Variants in TMEM218 observed in about 807,000 individuals in gnomAD.
The protein encoded by TMEM218 is transmembrane protein 218.
TMEM218 carries 8 observed loss-of-function variants against 10.0 expected under a neutral mutation model. The ratio of observed to expected loss-of-function variants is 0.80; its 90% CI spans 0.47 to 1.44. TMEM218 has a LOEUF of 1.44. Among genes scored for constraint, TMEM218 ranks in the 40% most tolerant of loss-of-function variants. TMEM218 has a pLI of 0.00. For missense variants in TMEM218, 110 were observed against 140.1 expected, an observed-to-expected ratio of 0.79 and a Z score of 1.08; for synonymous variants, 66 against 63.5, an observed-to-expected ratio of 1.04 and a Z score of -0.18.
chr11:125,106,045 A>G (rs1200535863), intron 1 of TMEM218, among the ~76,000 whole-genome samples: 1 of 152,172 alleles, frequency 6.6e-6, no homozygotes, highest in Non-Finnish European at 1.5e-5. Context: ...CAAAGCAAAT[A>G]TTAACAAGAC....
rs1949516867 is a variant in TMEM218, at chr11:125,095,403, A to G, written c.*2203T>C. On this transcript the variant is annotated 3_prime_UTR_variant, in exon 5 of 5. Coordinates refer to ENST00000682305, the MANE Select transcript of TMEM218 (RefSeq NM_001258244.2). ...CCATGAGCATACAGGGTACCATAAC[A>G]GACATTGACTATAGGGTTATCCCAT... 6.6e-6 allele frequency among the ~76,000 whole-genome samples: 1 copy of G among 152,200 alleles called. No homozygotes were observed. Among genetic ancestry groups the G allele is most frequent in the Admixed American group, 6.5e-5 (1 of 15,288 alleles).
chr11:125,101,796 C>A, intron 3 of TMEM218: 1 of 483,702 alleles, frequency 2.1e-6, no homozygotes, highest in South Asian at 4.2e-5. Flanking sequence ...TTTCCTGGGT[C>A]CAGGGCTAGA....
chr11:125,106,731 G>C (rs1035573327), intron 1 of TMEM218, among the ~76,000 whole-genome samples: 1 of 152,180 alleles, frequency 6.6e-6, no homozygotes, highest in Non-Finnish European at 1.5e-5. Context: ...ATATACGGCT[G>C]GCAAGGGCCA....
At chr11:125,110,061 G>T (rs1953382721) in intron 1 of TMEM218, among the ~76,000 whole-genome samples, 2 of 152,214 alleles carry the variant, frequency 1.3e-5, no homozygotes, top group South Asian at 4.1e-4. Flanking sequence ...TAGAAAAGAA[G>T]GGCTGGGTAT....
intron 1 of TMEM218, chr11:125,103,019 G>T: frequency 4.1e-6 from 1 of 241,706 alleles, no homozygotes. Flanking sequence ...TTTTCTCACA[G>T]GCCAGCAATC....
At chr11:125,110,525 A>G (rs936407814) in intron 1 of TMEM218, 2 of 152,200 alleles carry the variant, frequency 1.3e-5, no homozygotes, top group African/African-American at 4.8e-5. Context: ...ATAGGAATAA[A>G]TGGACTGATC....
rs1249722551 is a variant in TMEM218 at position 125,097,528 on chromosome 11, G to C, written c.*78C>G. 13 of 1,526,990 alleles carry C rather than the reference G, an allele frequency of 8.5e-6. No homozygotes were observed. Among genetic ancestry groups the C allele is most frequent in the Non-Finnish European group, 1.2e-5 (13 of 1,118,182 alleles). 94.6% of individuals were successfully genotyped at this position (1,526,990 alleles called of 1,614,324 possible). A position where few individuals can be genotyped will look rare whatever the true frequency, so the allele number is the denominator to read the frequency against. ...AAGGCATGAGGGCTGTCAAAACAAGGCTCTGAATAGTGCCTTCCTGCTCAT... is the reference window on the plus strand; with the variant it reads ...AAGGCATGAGGGCTGTCAAAACAAGCCTCTGAATAGTGCCTTCCTGCTCAT... On this transcript the variant is annotated 3_prime_UTR_variant, in exon 5 of 5. Coordinates refer to ENST00000682305, the MANE Select transcript of TMEM218 (RefSeq NM_001258244.2).
intron 4 of TMEM218, among the ~76,000 whole-genome samples, chr11:125,100,986 G>A (rs1950626007): frequency 6.6e-6 from 1 of 152,188 alleles, no homozygotes; most frequent in South Asian, 2.1e-4. Context: ...TGCCTGGTGG[G>A]GTTGTAGATG....
At chr11:125,102,650 G>A in intron 2 of TMEM218, 84 bp downstream of exon 2, 1 of 1,294,954 alleles carries the variant, frequency 7.7e-7, no homozygotes, top group South Asian at 1.2e-5. Context: ...AGAACTGGTA[G>A]AAGACACCAG....
chr11:125,095,750 C>T lies in TMEM218; in HGVS notation c.*1856G>A, dbSNP rs1213544936. Among the ~76,000 whole-genome samples the T allele has an allele frequency of 6.6e-6, 1 of 151,886 alleles. No individual in the cohort carries two copies. Among genetic ancestry groups the T allele is most frequent in the Non-Finnish European group, 1.5e-5 (1 of 68,016 alleles). The stretch of plus-strand genomic sequence containing the variant: ...TAGAATTTAGTTTCCAACCTTAATA[C>T]ACTTTCCTCCATCTAAATAGTCACC... On this transcript the variant is annotated 3_prime_UTR_variant, in exon 5 of 5. Coordinates refer to ENST00000682305, the MANE Select transcript of TMEM218 (RefSeq NM_001258244.2).
rs557433983 is a variant in TMEM218 at position 125,096,531 on chromosome 11, G to T, written c.*1075C>A. ...AAGTGGGGATGATAAAAATGAGACC[G>T]TTGTAAAAATTAAATAAATTAAACC... On this transcript the variant is annotated 3_prime_UTR_variant, in exon 5 of 5. Transcript: ENST00000682305. The T allele has an allele frequency of 4.6e-5, 7 of 152,184 alleles. No homozygotes were observed. The highest frequency in any genetic ancestry group is 7.3e-5 in the Non-Finnish European group (5 of 68,034). 9.4% of individuals were successfully genotyped at this position (152,184 alleles called of 1,614,324 possible).
At chr11:125,104,300 G>C (rs1023810797) in intron 1 of TMEM218, 1 of 152,194 alleles carries the variant, frequency 6.6e-6, no homozygotes, top group Non-Finnish European at 1.5e-5. Context: ...ACACGCCCGG[G>C]GTTTCCCCAT....
chr11:125,100,375 A>T (rs1049803775), intron 4 of TMEM218, among the ~76,000 whole-genome samples: 1 of 152,240 alleles, frequency 6.6e-6, no homozygotes, highest in Non-Finnish European at 1.5e-5. Context: ...TACCTATGTC[A>T]TACTACTTAG....
Position 125,108,163 on chromosome 11 carries a change from G to T in TMEM218, c.-153+3376C>A, listed in dbSNP as rs1351941985. On this transcript the variant is annotated intron_variant, in intron 1 of 4. Coordinates refer to ENST00000682305, the MANE Select transcript of TMEM218 (RefSeq NM_001258244.2). This position sits in a 1 kb window ranked among gnomAD's most constrained non-coding sequence, Gnocchi z 5.3. ...CTTGCCTTTCTTGTTACCAACTGCC[G>T]CAAGACACATTGAAAAACCAAAGTA... Among the ~76,000 whole-genome samples, 1 of 152,048 alleles carries T rather than the reference G, an allele frequency of 6.6e-6. No homozygotes were observed. Among genetic ancestry groups the T allele is most frequent in the Non-Finnish European group, 1.5e-5 (1 of 67,988 alleles).
At chr11:125,110,862 G>GGGGGTTGT (rs1953753890) in intron 1 of TMEM218, 1 of 115,150 alleles carries the variant, frequency 8.7e-6, no homozygotes, top group Non-Finnish European at 2.0e-5. Context: ...GGGGGGGGGG[G>GGGGGTTGT]TTACTTTCAC....
At chr11:125,098,892 G>A (rs1175925780) in intron 4 of TMEM218, among the ~76,000 whole-genome samples, 2 of 152,088 alleles carry the variant, frequency 1.3e-5, no homozygotes, top group East Asian at 3.9e-4. Flanking sequence ...GGAGGAAGGG[G>A]GCTGTCAGCC....
At chr11:125,107,537 AG>A (rs1193464045) in intron 1 of TMEM218, among the ~76,000 whole-genome samples, 1 of 152,154 alleles carries the variant, frequency 6.6e-6, no homozygotes, top group Non-Finnish European at 1.5e-5. Context: ...ACTATTAAAA[AG>A]ATGATATTAT....
intron 1 of TMEM218, among the ~76,000 whole-genome samples, chr11:125,110,012 A>C (rs7125540): frequency 0.17 from 25,392 of 152,250 alleles, 2,557 homozygotes; most frequent in East Asian, 0.25. Flanking sequence ...AATGGAGCTC[A>C]TAATTTTATA....
chr11:125,111,267 G>T (rs1003617072), intron 1 of TMEM218, among the ~76,000 whole-genome samples: 5 of 152,146 alleles, frequency 3.3e-5, no homozygotes, highest in Non-Finnish European at 7.3e-5. Flanking sequence ...TGTGCACCTG[G>T]CCACCTCCCA....
Sources: allele counts gnomAD v4.1 joint callset (sites outside exome capture counted in the v4.1 genomes callset), GRCh38; gene constraint gnomAD v4.1.1; non-coding constraint Gnocchi (gnomAD v3.1); transcripts MANE v1.5; gene names NCBI Gene and HGNC (gene_info 2026-07-23, HGNC 2026-07-21).